ARHGAP26: variants seen among roughly 807,000 people sequenced by gnomAD.
ARHGAP26 encodes the protein Rho GTPase activating protein 26.
Under a neutral mutation model 104.8 loss-of-function variants are expected in ARHGAP26, and 38 were observed. The ratio of observed to expected loss-of-function variants is 0.36; its 90% confidence interval spans 0.28 to 0.48. The LOEUF (loss-of-function observed/expected upper bound fraction) is 0.48. Ranked by LOEUF, ARHGAP26 falls within the 20% of genes least tolerant of loss-of-function variation. The probability of loss-of-function intolerance (pLI) is 0.99; values close to 1 mark genes in which losing one functional copy is unlikely to be tolerated. For synonymous variants in ARHGAP26, 341 were observed against 340.0 expected (o/e 1.00, Z -0.03); for missense variants, 704 against 947.9 (o/e 0.74, Z 3.38).
chr5:142,883,072 G>T (rs1049341856), intron 4 of ARHGAP26, among the ~76,000 whole-genome samples: 7 of 152,172 alleles, frequency 4.6e-5, no homozygotes, highest in African/African-American at 7.2e-5. Flanking sequence ...TGCTGCAGAG[G>T]TCTTATTGCT....
At chr5:143,086,038 CT>C (rs1790543707) in intron 17 of ARHGAP26, among the ~76,000 whole-genome samples, 2 of 152,138 alleles carry the variant, frequency 1.3e-5, no homozygotes, top group African/African-American at 4.8e-5. Flanking sequence ...TAGTCTTTGA[CT>C]GTCAGAGCTG....
intron 18 of ARHGAP26, among the ~76,000 whole-genome samples, chr5:143,129,671 A>G (rs759732691): frequency 1.3e-5 from 2 of 152,088 alleles, no homozygotes; most frequent in Non-Finnish European, 2.9e-5. Context: ...GAATAATAGT[A>G]CCTCCCTTAC....
rs978138164 is a variant in ARHGAP26 at position 142,979,657 on chromosome 5, A to C, written c.1108-34423A>C. ...CACAATCAAGGAAAAAGGAAAATGC[A>C]GAAGTGGAGGCCCCAGCTTCTGTTC... is the stretch of plus-strand genomic sequence containing the variant. On this transcript the variant is annotated intron_variant, in intron 11 of 22. Coordinates refer to ENST00000645722, the MANE Select transcript of ARHGAP26 (RefSeq NM_001135608.3). 2.0e-5 allele frequency among the ~76,000 whole-genome samples: 3 copies of C among 152,260 alleles called. No individual in the cohort carries two copies. The East Asian group carries it at 5.8e-4, about 29-fold the overall frequency.
At chr5:143,184,803 G>C (rs965536822) in intron 20 of ARHGAP26, among the ~76,000 whole-genome samples, 1 of 152,164 alleles carries the variant, frequency 6.6e-6, no homozygotes, top group African/African-American at 2.4e-5. Context: ...ATACTCAAGA[G>C]ACTGAAAAAG....
At chr5:142,963,668 A>T (rs1198714918) in intron 11 of ARHGAP26, among the ~76,000 whole-genome samples, 1 of 152,166 alleles carries the variant, frequency 6.6e-6, no homozygotes, top group East Asian at 1.9e-4. Context: ...CAGAGAGGTG[A>T]TTACTCCTGA....
chr5:143,012,552 CATATATATAT>C (rs3073231), intron 11 of ARHGAP26, among the ~76,000 whole-genome samples: 2 of 20,846 alleles, frequency 9.6e-5, no homozygotes, highest in Non-Finnish European at 1.4e-4. Context: ...TACATACATA[CATATATATAT>C]ATATATATAT....
At chr5:143,130,987 G>A (rs982482404) in intron 18 of ARHGAP26, among the ~76,000 whole-genome samples, 1 of 152,164 alleles carries the variant, frequency 6.6e-6, no homozygotes, top group Non-Finnish European at 1.5e-5. Context: ...CCCTATCAGC[G>A]GTCTTCAGGA....
intron 11 of ARHGAP26, among the ~76,000 whole-genome samples, chr5:143,009,092 T>A (rs1778391355): frequency 6.6e-6 from 1 of 152,106 alleles, no homozygotes; most frequent in Admixed American, 6.5e-5. Flanking sequence ...GTGTTTATCG[T>A]CAGGATCGAA....
chr5:143,185,080 C>T (rs1804943293), intron 20 of ARHGAP26, among the ~76,000 whole-genome samples: 1 of 152,134 alleles, frequency 6.6e-6, no homozygotes, highest in Non-Finnish European at 1.5e-5. Flanking sequence ...AGTTTTCACA[C>T]AGCCATGAAC....
chr5:142,900,259 C>T (rs763617649), intron 6 of ARHGAP26, among the ~76,000 whole-genome samples: 5 of 152,140 alleles, frequency 3.3e-5, no homozygotes, highest in South Asian at 2.1e-4. Context: ...CCAAAGCCTT[C>T]GGCCGTCTTT....
chr5:142,827,910 G>A (rs2152105642), intron 1 of ARHGAP26, among the ~76,000 whole-genome samples: 1 of 152,268 alleles, frequency 6.6e-6, no homozygotes. Flanking sequence ...TGTAGATACT[G>A]CTTTTATTTT....
chr5:142,783,651 C>T (rs1463598412), intron 1 of ARHGAP26, among the ~76,000 whole-genome samples: 1 of 152,154 alleles, frequency 6.6e-6, no homozygotes, highest in Admixed American at 6.5e-5. Flanking sequence ...GGAGGTGCCC[C>T]TGGGCAACTC....
intron 1 of ARHGAP26, among the ~76,000 whole-genome samples, chr5:142,786,813 A>G (rs1758749720): frequency 6.6e-6 from 1 of 151,778 alleles, no homozygotes; most frequent in Non-Finnish European, 1.5e-5. Flanking sequence ...CAGCCGGCTA[A>G]TTTTTGTATT....
intron 11 of ARHGAP26, among the ~76,000 whole-genome samples, chr5:142,979,235 C>T (rs559926794): frequency 6.6e-6 from 1 of 152,214 alleles, no homozygotes; most frequent in East Asian, 1.9e-4. Flanking sequence ...AATGTTTCTA[C>T]TTTCTGCCTC....
chr5:142,955,888 A>G (rs1273214398), intron 11 of ARHGAP26, among the ~76,000 whole-genome samples: 1 of 152,120 alleles, frequency 6.6e-6, no homozygotes, highest in African/African-American at 2.4e-5. Context: ...GTGAAGCTTT[A>G]TGCTTACTTG....
At chr5:142,948,663 T>A (rs992787423) in intron 11 of ARHGAP26, among the ~76,000 whole-genome samples, 6 of 151,616 alleles carry the variant, frequency 4.0e-5, no homozygotes, top group Admixed American at 2.0e-4. Context: ...TTTTTTTTTT[T>A]AAGAACATTA....
chr5:143,164,812 G>A (rs1208662321), intron 20 of ARHGAP26: 1 of 152,120 alleles, frequency 6.6e-6, no homozygotes, highest in Non-Finnish European at 1.5e-5. Flanking sequence ...CAAGTTCCCA[G>A]TGTAACCCAC....
At chr5:143,079,789 G>A (rs938866435) in intron 17 of ARHGAP26, among the ~76,000 whole-genome samples, 5 of 152,152 alleles carry the variant, frequency 3.3e-5, no homozygotes, top group African/African-American at 7.2e-5. Context: ...GTGGTGCAGC[G>A]TGCCTAGGGA....
At chr5:143,015,755 T>TC (rs34131224) in intron 12 of ARHGAP26, among the ~76,000 whole-genome samples, 8 of 151,930 alleles carry the variant, frequency 5.3e-5, no homozygotes, top group Admixed American at 1.3e-4. Context: ...AATGGAGACC[T>TC]CCCCCTACAC....
Sources: allele counts gnomAD v4.1 joint callset (sites outside exome capture counted in the v4.1 genomes callset), GRCh38; gene constraint gnomAD v4.1.1; transcripts MANE v1.5; gene names NCBI Gene and HGNC (gene_info 2026-07-23, HGNC 2026-07-21).